Variants in KHDRBS2 observed in about 807,000 individuals in gnomAD.
KHDRBS2 encodes the protein KH RNA binding domain containing, signal transduction associated 2.
A neutral mutation model predicts 44.3 loss-of-function variants in KHDRBS2; 26 were observed. The observed-to-expected ratio is 0.59, with a 90% CI of 0.43 to 0.81. The LOEUF (loss-of-function observed/expected upper bound fraction) is 0.81. Among genes scored for constraint, KHDRBS2 ranks in the 40% least tolerant of loss-of-function variants. KHDRBS2 has a pLI of 0.00. For missense variants in KHDRBS2, 476 were observed against 433.1 expected, an observed-to-expected ratio of 1.10 and a Z score of -0.88; for synonymous variants, 194 against 151.1, an observed-to-expected ratio of 1.28 and a Z score of -2.08.
rs769535955 is a variant in KHDRBS2 at position 61,732,795 on chromosome 6, T to C, written c.811-31A>G. 1.3e-5 allele frequency: 15 copies of C among 1,136,268 alleles called. No homozygotes were observed. The East Asian group carries it at 3.5e-4, about 27-fold the overall frequency. 70.4% of individuals were successfully genotyped at this position (1,136,268 alleles called of 1,614,324 possible). On this transcript the variant is annotated intron_variant, in intron 6 of 8. Transcript: ENST00000281156. ...ACAAAAAAATGGTAGAAACACCTGT[T>C]AGTCAATTTGATTAACTTTGATCTG... is the stretch of plus-strand genomic sequence containing the variant.
intron 2 of KHDRBS2, among the ~76,000 whole-genome samples, chr6:62,134,942 T>G (rs1811181818): frequency 1.3e-5 from 2 of 152,190 alleles, no homozygotes; most frequent in South Asian, 2.1e-4. Flanking sequence ...CAGAAGGGAC[T>G]TGCCTTGTCT....
chr6:61,796,539 A>G (rs568489916), intron 6 of KHDRBS2, among the ~76,000 whole-genome samples: 146 of 152,170 alleles, frequency 9.6e-4, no homozygotes, highest in Non-Finnish European at 1.8e-3. Flanking sequence ...TATTTTTCTT[A>G]AAGGGTACAT....
the KHDRBS2 span, among the ~76,000 whole-genome samples, chr6:61,593,929 A>G: frequency 1.3e-5 from 2 of 152,152 alleles, no homozygotes; most frequent in African/African-American, 4.8e-5. Flanking sequence ...TGAACACCTC[A>G]AAGCAGCCTG....
At chr6:61,847,533 T>C (rs1480627828) in intron 6 of KHDRBS2, among the ~76,000 whole-genome samples, 2 of 152,120 alleles carry the variant, frequency 1.3e-5, no homozygotes, top group African/African-American at 4.8e-5. Context: ...TATGTATGTG[T>C]GACAAACAGT....
At chr6:62,088,993 A>G (rs1366617377) in intron 2 of KHDRBS2, among the ~76,000 whole-genome samples, 1 of 152,118 alleles carries the variant, frequency 6.6e-6, no homozygotes, top group African/African-American at 2.4e-5. Flanking sequence ...ACCCAGTGTG[A>G]ACTTCCAGGC....
chr6:61,604,098 G>A, the KHDRBS2 span, among the ~76,000 whole-genome samples: 1 of 152,170 alleles, frequency 6.6e-6, no homozygotes, highest in African/African-American at 2.4e-5. Context: ...AAAGGACTAT[G>A]CATCAATATT....
chr6:62,108,802 T>TGTCCTTTGTAG (rs1804223795), intron 2 of KHDRBS2, among the ~76,000 whole-genome samples: 2 of 152,138 alleles, frequency 1.3e-5, no homozygotes, highest in Admixed American at 6.5e-5. Flanking sequence ...TGTAGGGACA[T>TGTCCTTTGTAG]GGATGAAATT....
At chr6:61,879,090 G>T (rs557065363) in intron 6 of KHDRBS2, among the ~76,000 whole-genome samples, 41 of 151,926 alleles carry the variant, frequency 2.7e-4, no homozygotes, top group African/African-American at 9.6e-4. Flanking sequence ...AAGATTATTG[G>T]TTGCTGCCCT....
At chr6:61,669,550 T>G in the KHDRBS2 span, among the ~76,000 whole-genome samples, 1 of 150,960 alleles carries the variant, frequency 6.6e-6, no homozygotes, top group African/African-American at 2.4e-5. Context: ...TTTAAACATA[T>G]TAATATGTTT....
intron 2 of KHDRBS2, among the ~76,000 whole-genome samples, chr6:62,159,208 G>A (rs1247291106): frequency 2.0e-5 from 3 of 152,162 alleles, no homozygotes; most frequent in Non-Finnish European, 4.4e-5. Flanking sequence ...TGACTTGAAA[G>A]TGATTCCTGA....
At position 61,818,895 on chromosome 6, in the gene KHDRBS2, C is replaced by A. The variant is rs562039410; in HGVS notation, c.810+75740G>T. ...TATTTTTTCCTCAGAATAATGTCCT[C>A]AAAATCTGATTATTAGGTCAAAGAA... On this transcript the variant is annotated intron_variant, in intron 6 of 8. Coordinates refer to ENST00000281156, the MANE Select transcript of KHDRBS2 (RefSeq NM_152688.4). 5.9e-5 allele frequency among the ~76,000 whole-genome samples: 9 copies of A among 151,978 alleles called. No homozygotes were observed. In the East Asian group the frequency reaches 9.7e-4, roughly 16 times the overall value.
chr6:61,997,338 C>T (rs1425179064), intron 3 of KHDRBS2, among the ~76,000 whole-genome samples: 7 of 152,204 alleles, frequency 4.6e-5, no homozygotes, highest in Admixed American at 2.0e-4. Flanking sequence ...TTGCCCCACA[C>T]TTGACTCCTC....
chr6:61,693,190 T>C (rs1582192692), intron 8 of KHDRBS2, among the ~76,000 whole-genome samples: 4 of 152,146 alleles, frequency 2.6e-5, no homozygotes. Context: ...ATATTTGACT[T>C]GTGTGGGTCC....
intron 6 of KHDRBS2, among the ~76,000 whole-genome samples, chr6:61,888,220 C>T (rs1168800649): frequency 6.6e-6 from 1 of 152,164 alleles, no homozygotes; most frequent in Non-Finnish European, 1.5e-5. Context: ...TCTACCTTTG[C>T]CATTGGTGGC....
At chr6:62,106,763 C>G (rs1306432030) in intron 2 of KHDRBS2, among the ~76,000 whole-genome samples, 2 of 152,116 alleles carry the variant, frequency 1.3e-5, no homozygotes, top group East Asian at 3.9e-4. Flanking sequence ...TGGGCTTCAT[C>G]CCTGGGATGC....
chr6:61,994,269 C>T (rs1203128315), intron 3 of KHDRBS2, among the ~76,000 whole-genome samples: 2 of 152,178 alleles, frequency 1.3e-5, no homozygotes. Flanking sequence ...GATTCAAAGA[C>T]TCCCTTTGAC....
At chr6:61,777,915 C>T (rs921451200) in intron 6 of KHDRBS2, among the ~76,000 whole-genome samples, 9 of 151,982 alleles carry the variant, frequency 5.9e-5, no homozygotes, top group Admixed American at 5.9e-4. Flanking sequence ...AATCTTGTGT[C>T]ACAGGAGTTT....
intron 7 of KHDRBS2, among the ~76,000 whole-genome samples, chr6:61,729,798 T>A (rs1029374131): frequency 6.6e-6 from 1 of 152,186 alleles, no homozygotes; most frequent in Admixed American, 6.6e-5. Context: ...AGGTTATTTA[T>A]CTGATTCTAA....
the KHDRBS2 span, among the ~76,000 whole-genome samples, chr6:61,562,580 T>G: frequency 6.6e-6 from 1 of 152,202 alleles, no homozygotes; most frequent in African/African-American, 2.4e-5. Flanking sequence ...GGAAACCAGA[T>G]AGGCCTTTTG....
Sources: allele counts gnomAD v4.1 joint callset (sites outside exome capture counted in the v4.1 genomes callset), GRCh38; gene constraint gnomAD v4.1.1; transcripts MANE v1.5; gene names NCBI Gene and HGNC (gene_info 2026-07-23, HGNC 2026-07-21).